NRXN1: variants seen among roughly 807,000 people sequenced by gnomAD.
NRXN1 encodes the protein neurexin-1.
Under a neutral mutation model 150.9 loss-of-function variants are expected in NRXN1, and 39 were observed. The ratio of observed to expected loss-of-function variants is 0.26; its 90% CI spans 0.20 to 0.34. The LOEUF (loss-of-function observed/expected upper bound fraction) is 0.34. Ranked by LOEUF, NRXN1 falls within the 10% of genes least tolerant of loss-of-function variation. The probability of loss-of-function intolerance (pLI) is 1.00; values close to 1 mark genes in which losing one functional copy is unlikely to be tolerated. For synonymous variants in NRXN1, 924 were observed against 757.0 expected, an observed-to-expected ratio of 1.22 and a Z score of -3.62; for missense variants, 1,815 against 1,949.9, an observed-to-expected ratio of 0.93 and a Z score of 1.30.
chr2:50,105,172 C>A (rs10490241), intron 18 of NRXN1: 13 of 151,822 alleles, frequency 8.6e-5, no homozygotes, highest in East Asian at 5.9e-4. Flanking sequence ...GAGCTCTAGA[C>A]GCTTACCATT....
chr2:50,196,543 T>A (rs1652388560), intron 18 of NRXN1, among the ~76,000 whole-genome samples: 1 of 152,140 alleles, frequency 6.6e-6, no homozygotes, highest in African/African-American at 2.4e-5. Flanking sequence ...CAAATACATT[T>A]AATATCAATG....
In NRXN1 at chr2:50,347,678, C is replaced by T. The variant is rs2152998570; in HGVS notation, c.3365-110708G>A. The T allele has an allele frequency of 1.0e-6, 1 of 985,824 alleles. No individual in the cohort carries two copies. The highest frequency in any genetic ancestry group is 1.2e-6 in the Non-Finnish European group (1 of 830,588). The allele number at this position is 985,824 out of a possible 1,614,324, so 61.1% of individuals were successfully genotyped here. On this transcript the variant is annotated intron_variant, in intron 17 of 22. Transcript: ENST00000401669. This position sits in a 1 kb window ranked among gnomAD's most constrained non-coding sequence, Gnocchi z 4.9. Reference sequence around the variant, plus strand: ...TCTGAAGGAAGTGGGAATCGAACGGCGGAAAGGCAGCTGAGAAGAAGATGC... The same window carrying T: ...TCTGAAGGAAGTGGGAATCGAACGGTGGAAAGGCAGCTGAGAAGAAGATGC...
intron 18 of NRXN1, among the ~76,000 whole-genome samples, chr2:50,217,832 TCTAA>T (rs1169993190): frequency 1.3e-5 from 2 of 152,254 alleles, no homozygotes; most frequent in East Asian, 3.9e-4. Flanking sequence ...TCTCTTTTCA[TCTAA>T]CTTATTGTTA....
At chr2:50,286,401 T>C (rs868103572) in intron 17 of NRXN1, among the ~76,000 whole-genome samples, 12 of 152,166 alleles carry the variant, frequency 7.9e-5, no homozygotes, top group African/African-American at 1.4e-4. Context: ...TTTTTGTGCA[T>C]AGCTATTTCA....
intron 15 of NRXN1, among the ~76,000 whole-genome samples, chr2:50,473,051 TA>T (rs1043810917): frequency 6.6e-6 from 1 of 151,880 alleles, no homozygotes; most frequent in Non-Finnish European, 1.5e-5. Context: ...AGAAGTTCAG[TA>T]AATTTCTTCT....
intron 21 of NRXN1, among the ~76,000 whole-genome samples, chr2:50,006,077 C>A (rs1684710444): frequency 1.3e-5 from 2 of 151,986 alleles, no homozygotes; most frequent in African/African-American, 4.8e-5. Context: ...TAAATCAATC[C>A]TCAGTAAGTA....
At chr2:50,936,171 T>C (rs1688517113) in intron 2 of NRXN1, among the ~76,000 whole-genome samples, 2 of 152,162 alleles carry the variant, frequency 1.3e-5, no homozygotes, top group South Asian at 2.1e-4. Context: ...TTCCAAAAGA[T>C]ACTGAGGTCA....
intron 17 of NRXN1, among the ~76,000 whole-genome samples, chr2:50,356,407 A>AT (rs933026234): frequency 6.6e-5 from 10 of 152,206 alleles, no homozygotes; most frequent in African/African-American, 2.4e-4. Flanking sequence ...AAGATAGGAA[A>AT]TTTTTTGATA....
chr2:50,130,771 T>A (rs371001191), intron 18 of NRXN1, among the ~76,000 whole-genome samples: 7 of 152,202 alleles, frequency 4.6e-5, no homozygotes, highest in East Asian at 3.9e-4. Flanking sequence ...CGAAAAGGCT[T>A]TAAGTTCATT....
intron 18 of NRXN1, among the ~76,000 whole-genome samples, chr2:50,227,581 G>A (rs2064521886): frequency 6.6e-6 from 1 of 151,994 alleles, no homozygotes; most frequent in Non-Finnish European, 1.5e-5. Flanking sequence ...AACTAAAAGA[G>A]GTTGAGACCC....
chr2:50,313,235 C>A (rs2075322386), intron 17 of NRXN1, among the ~76,000 whole-genome samples: 1 of 152,028 alleles, frequency 6.6e-6, no homozygotes, highest in South Asian at 2.1e-4. Context: ...CAGTCTCATT[C>A]TTTTTGCCTT....
At chr2:50,517,469 G>GA (rs1214929363) in intron 12 of NRXN1, among the ~76,000 whole-genome samples, 1 of 152,000 alleles carries the variant, frequency 6.6e-6, no homozygotes, top group African/African-American at 2.4e-5. Context: ...CCAAGTAGTT[G>GA]ATGAAAAGTA....
chr2:50,011,982 G>T (rs1685745013), intron 21 of NRXN1, among the ~76,000 whole-genome samples: 1 of 152,040 alleles, frequency 6.6e-6, no homozygotes, highest in South Asian at 2.1e-4. Context: ...CACTGAATTT[G>T]AAGAAATAAG....
At chr2:50,797,145 G>T (rs1706947003) in intron 5 of NRXN1, among the ~76,000 whole-genome samples, 1 of 152,034 alleles carries the variant, frequency 6.6e-6, no homozygotes, top group Admixed American at 6.6e-5. Context: ...TATGAATTTT[G>T]GAACAATATT....
intron 17 of NRXN1, among the ~76,000 whole-genome samples, chr2:50,352,956 T>C (rs2078532309): frequency 6.6e-6 from 1 of 151,896 alleles, no homozygotes. Flanking sequence ...AGTCCAGTCA[T>C]AGATATAGAT....
At chr2:50,182,208 G>C (rs1356642087) in intron 18 of NRXN1, among the ~76,000 whole-genome samples, 2 of 148,810 alleles carry the variant, frequency 1.3e-5, no homozygotes, top group East Asian at 4.0e-4. Flanking sequence ...ACAAAATCTA[G>C]AATATGGTAG....
rs151293975 is a variant in NRXN1, at chr2:50,925,924, T to C, written c.790+14A>G. 1.9e-6 allele frequency: 3 copies of C among 1,567,738 alleles called. No homozygotes were observed. The highest frequency in any genetic ancestry group is 2.3e-5 in the East Asian group (1 of 42,734). ...ACAAATGAGAGTTGGAAAAATAAGG[T>C]AGAAAGCACCCACCTTCCACATTGT... On this transcript the variant is annotated intron_variant, in intron 3 of 22. Transcript: ENST00000401669.
chr2:50,088,562 TA>T (rs1404220824), intron 19 of NRXN1, among the ~76,000 whole-genome samples: 1 of 152,210 alleles, frequency 6.6e-6, no homozygotes, highest in Non-Finnish European at 1.5e-5. Flanking sequence ...AAAGGGCATT[TA>T]AAATCTCTGA....
At chr2:50,889,596 T>A (rs562329187) in intron 5 of NRXN1, among the ~76,000 whole-genome samples, 3 of 151,712 alleles carry the variant, frequency 2.0e-5, no homozygotes, top group Admixed American at 6.6e-5. Context: ...AAAAACATAT[T>A]TTTACATTCA....
Sources: gnomAD v4.1 joint callset for allele counts (sites outside exome capture counted in the v4.1 genomes callset) on GRCh38, gnomAD v4.1.1 for gene constraint, Gnocchi (gnomAD v3.1) non-coding constraint, MANE v1.5 for transcripts, NCBI Gene and HGNC (gene_info 2026-07-23, HGNC 2026-07-21) for gene names.